The following DAPK1 variants were observed in gnomAD, a reference collection of about 807,000 sequenced individuals.
DAPK1 encodes the protein death-associated protein kinase 1.
A neutral mutation model predicts 144.9 loss-of-function variants in DAPK1; 56 were observed. The ratio of observed to expected loss-of-function variants is 0.39; its 90% CI spans 0.31 to 0.48. The LOEUF is 0.48. DAPK1 is among the 20% of genes least tolerant of loss of function. DAPK1 has a pLI of 0.95. For synonymous variants in DAPK1, 690 were observed against 749.0 expected (o/e 0.92, Z 1.29); for missense variants, 1,454 against 1,875.4 (o/e 0.78, Z 4.15).
intron 1 of DAPK1, 139 bp downstream of exon 1, chr9:87,498,246 G>C: frequency 2.5e-6 from 1 of 395,338 alleles, no homozygotes; most frequent in Non-Finnish European, 4.5e-6. Context: ...ACTTGGCTTC[G>C]GGGAGAAGTG....
chr9:87,561,113 A>G (rs1207799348), intron 2 of DAPK1, among the ~76,000 whole-genome samples: 1 of 152,176 alleles, frequency 6.6e-6, no homozygotes, highest in African/African-American at 2.4e-5. Flanking sequence ...AAAATAAAAT[A>G]TGAAATTAAA....
At chr9:87,516,812 G>C (rs1480325290) in intron 2 of DAPK1, among the ~76,000 whole-genome samples, 1 of 152,184 alleles carries the variant, frequency 6.6e-6, no homozygotes, top group Non-Finnish European at 1.5e-5. Context: ...AAGCTTGAAG[G>C]GGTGGATTTG....
chr9:87,608,622 A>G (rs1330683974), intron 3 of DAPK1, among the ~76,000 whole-genome samples: 1 of 152,234 alleles, frequency 6.6e-6, no homozygotes, highest in Non-Finnish European at 1.5e-5. Flanking sequence ...CGATTGCTCC[A>G]CCAGTGGGGC....
chr9:87,664,723 C>A (rs1463008597), intron 18 of DAPK1, among the ~76,000 whole-genome samples: 2 of 152,226 alleles, frequency 1.3e-5, no homozygotes, highest in African/African-American at 4.8e-5. Flanking sequence ...ACAGCCTGGT[C>A]CCCACGCAGC....
chr9:87,555,437 T>A (rs1223948914), intron 2 of DAPK1, among the ~76,000 whole-genome samples: 1 of 152,068 alleles, frequency 6.6e-6, no homozygotes, highest in Non-Finnish European at 1.5e-5. Context: ...GAAGTATTAG[T>A]AACACAAACA....
chr9:87,653,475 A>G (rs78954990), intron 17 of DAPK1, among the ~76,000 whole-genome samples: 2 of 152,216 alleles, frequency 1.3e-5, no homozygotes, highest in Admixed American at 6.5e-5. Context: ...TGCATAACTC[A>G]GTGTACACTG....
Position 87,603,681 on chromosome 9 carries a change from T to C in DAPK1, c.63-1273T>C, listed in dbSNP as rs548183333. Among the ~76,000 whole-genome samples, 6 of 152,292 alleles carry C rather than the reference T, an allele frequency of 3.9e-5. No individual in the cohort carries two copies. The South Asian group carries it at 1.2e-3, about 32-fold the overall frequency. On this transcript the variant is annotated intron_variant, in intron 2 of 25. Transcript: ENST00000408954. Reference sequence around the variant, plus strand: ...CTTTACATAGCAGTTATCCAGCAGGTACCAAGAAACATACAGATCCTGTGA... The same window carrying C: ...CTTTACATAGCAGTTATCCAGCAGGCACCAAGAAACATACAGATCCTGTGA...
intron 11 of DAPK1, among the ~76,000 whole-genome samples, chr9:87,644,205 C>A (rs1288630589): frequency 6.6e-6 from 1 of 152,042 alleles, no homozygotes; most frequent in Non-Finnish European, 1.5e-5. Context: ...CCTTTATTTT[C>A]TTTATTTTCC....
intron 3 of DAPK1, among the ~76,000 whole-genome samples, chr9:87,617,127 C>T (rs1829124956): frequency 6.6e-6 from 1 of 152,224 alleles, no homozygotes; most frequent in Non-Finnish European, 1.5e-5. Context: ...CTGAAAAATG[C>T]ACAATTTGTC....
chr9:87,663,092 C>T (rs950425917), intron 18 of DAPK1, among the ~76,000 whole-genome samples: 8 of 152,124 alleles, frequency 5.3e-5, no homozygotes, highest in Non-Finnish European at 8.8e-5. Flanking sequence ...CTTCCCTCTC[C>T]GCTGAGTCCT....
intron 3 of DAPK1, among the ~76,000 whole-genome samples, chr9:87,624,793 G>A (rs771204975): frequency 2.6e-5 from 4 of 152,188 alleles, no homozygotes; most frequent in Admixed American, 6.5e-5. Context: ...CTAGCGAAGC[G>A]AATTCTATAA....
At chr9:87,656,897 G>A (rs1193454337) in intron 17 of DAPK1, among the ~76,000 whole-genome samples, 1 of 152,216 alleles carries the variant, frequency 6.6e-6, no homozygotes, top group Non-Finnish European at 1.5e-5. Flanking sequence ...ATGTTAAACA[G>A]GGACAGCTCT....
At chr9:87,524,905 G>T (rs10121821) in intron 2 of DAPK1, among the ~76,000 whole-genome samples, 5,376 of 152,200 alleles carry the variant, frequency 0.035, 328 homozygotes, top group African/African-American at 0.12. Flanking sequence ...GGTGGGAAGG[G>T]GGTGAGAAAT....
chr9:87,607,799 G>A (rs1264980555), intron 3 of DAPK1, among the ~76,000 whole-genome samples: 1 of 151,972 alleles, frequency 6.6e-6, no homozygotes, highest in Admixed American at 6.5e-5. Flanking sequence ...CTAACCCCTG[G>A]CAAGCCCTGA....
intron 3 of DAPK1, among the ~76,000 whole-genome samples, chr9:87,619,112 G>C (rs184380405): frequency 1.3e-5 from 2 of 152,130 alleles, no homozygotes; most frequent in South Asian, 2.1e-4. Context: ...GATCACACCT[G>C]TTCCCCTGTA....
At chr9:87,681,663 G>T (rs958641118) in intron 20 of DAPK1, 37 bp downstream of exon 20, 5 of 1,091,724 alleles carry the variant, frequency 4.6e-6, no homozygotes, top group South Asian at 2.5e-5. Context: ...TCTCCAGCAG[G>T]TGTTGGCTTC....
chr9:87,633,022 A>G, intron 3 of DAPK1: 2 of 980,626 alleles, frequency 2.0e-6, no homozygotes, highest in Non-Finnish European at 2.4e-6. Flanking sequence ...AAGGATGAGT[A>G]TATATGTAGG....
intron 3 of DAPK1, among the ~76,000 whole-genome samples, chr9:87,623,434 A>G (rs1182504448): frequency 6.6e-6 from 1 of 152,080 alleles, no homozygotes; most frequent in Non-Finnish European, 1.5e-5. Context: ...CCAAATGTGG[A>G]TCTTTCTTTT....
intron 5 of DAPK1, 43 bp from the exon 6 acceptor site, chr9:87,639,607 G>A (rs1362515816): frequency 6.2e-7 from 1 of 1,613,344 alleles, no homozygotes; most frequent in Non-Finnish European, 8.5e-7. Context: ...GAATCGGTTA[G>A]TTTGCTTCCT....
Sources: allele counts gnomAD v4.1 joint callset (sites outside exome capture counted in the v4.1 genomes callset), GRCh38; gene constraint gnomAD v4.1.1; transcripts MANE v1.5; gene names NCBI Gene and HGNC (gene_info 2026-07-23, HGNC 2026-07-21).